The following CPED1 variants were observed in gnomAD, a reference collection of about 807,000 sequenced individuals.
CPED1 encodes cadherin-like and PC-esterase domain-containing protein 1.
In CPED1, 114 loss-of-function variants were observed where a neutral mutation model predicts 128.2. The ratio of observed to expected loss-of-function variants is 0.89; its 90% confidence interval spans 0.76 to 1.04. The LOEUF (loss-of-function observed/expected upper bound fraction) is 1.04. Ranked by LOEUF, CPED1 falls within the 50% of genes least tolerant of loss-of-function variation. The pLI is 0.00. For synonymous variants in CPED1, 462 were observed against 426.7 expected (o/e 1.08, Z -1.02); for missense variants, 1,211 against 1,207.1 (o/e 1.00, Z -0.05).
chr7:121,039,284 C>T (rs1049876593), intron 3 of CPED1, among the ~76,000 whole-genome samples: 2 of 152,050 alleles, frequency 1.3e-5, no homozygotes, highest in African/African-American at 4.8e-5. Flanking sequence ...ATTGCTCCAG[C>T]TCTAATCGTT....
intron 16 of CPED1, among the ~76,000 whole-genome samples, chr7:121,170,663 G>A (rs1796632598): frequency 6.6e-6 from 1 of 152,060 alleles, no homozygotes; most frequent in African/African-American, 2.4e-5. Flanking sequence ...ATGTTCAATA[G>A]ATTATACAAA....
At chr7:121,191,189 G>C (rs2116529366) in intron 16 of CPED1, among the ~76,000 whole-genome samples, 1 of 152,132 alleles carries the variant, frequency 6.6e-6, no homozygotes, top group East Asian at 1.9e-4. Flanking sequence ...CCACCTTTTA[G>C]AATATAAACC....
At chr7:121,250,155 G>A (rs899400146) in intron 18 of CPED1, among the ~76,000 whole-genome samples, 5 of 152,106 alleles carry the variant, frequency 3.3e-5, no homozygotes, top group Non-Finnish European at 5.9e-5. Context: ...CTAGAACTCA[G>A]GATTAAGAAA....
At chr7:121,210,711 T>G (rs1453445820) in intron 16 of CPED1, among the ~76,000 whole-genome samples, 4 of 151,820 alleles carry the variant, frequency 2.6e-5, no homozygotes, top group Admixed American at 1.3e-4. Flanking sequence ...TATACAAAAA[T>G]GTACTTAGAA....
chr7:121,196,404 C>T (rs999151888), intron 16 of CPED1, among the ~76,000 whole-genome samples: 1 of 151,988 alleles, frequency 6.6e-6, no homozygotes, highest in Non-Finnish European at 1.5e-5. Context: ...TAATCAGCAG[C>T]TTTTGAAAAA....
chr7:121,046,798 T>G (rs1563004353), intron 3 of CPED1, 89 bp from the exon 4 acceptor site: 3 of 788,016 alleles, frequency 3.8e-6, no homozygotes, highest in Non-Finnish European at 6.0e-6. Context: ...AGAATTTAAA[T>G]AATTACATTT....
intron 16 of CPED1, among the ~76,000 whole-genome samples, chr7:121,230,998 A>C (rs1303811533): frequency 3.3e-5 from 5 of 152,030 alleles, no homozygotes; most frequent in Admixed American, 3.3e-4. Context: ...GGAAGCCCTG[A>C]GAGTGGCCTA....
At chr7:121,235,128 CTT>C (rs1474557924) in intron 16 of CPED1, among the ~76,000 whole-genome samples, 1 of 152,018 alleles carries the variant, frequency 6.6e-6, no homozygotes, top group Non-Finnish European at 1.5e-5. Flanking sequence ...AATCATGACA[CTT>C]TTTTCTGGCC....
At chr7:121,122,532 T>C (rs756055628) in intron 7 of CPED1, among the ~76,000 whole-genome samples, 1 of 152,224 alleles carries the variant, frequency 6.6e-6, no homozygotes, top group African/African-American at 2.4e-5. Flanking sequence ...CATTCTGTCA[T>C]TTAATCTCAA....
At chr7:121,115,762 A>T (rs1333341306) in intron 7 of CPED1, among the ~76,000 whole-genome samples, 1 of 152,222 alleles carries the variant, frequency 6.6e-6, no homozygotes, top group Admixed American at 6.5e-5. Context: ...GTCAGACCTT[A>T]TATTATTGGA....
chr7:121,109,215 T>C (rs1370018978), intron 7 of CPED1, among the ~76,000 whole-genome samples: 1 of 152,146 alleles, frequency 6.6e-6, no homozygotes, highest in Non-Finnish European at 1.5e-5. Flanking sequence ...TTCAGATATA[T>C]TTTGTATTCT....
chr7:121,023,782 C>T (rs1792501121), intron 3 of CPED1, among the ~76,000 whole-genome samples: 1 of 152,052 alleles, frequency 6.6e-6, no homozygotes, highest in Non-Finnish European at 1.5e-5. Flanking sequence ...TCATTTCTTT[C>T]CCCCCTCTAG....
chr7:121,245,115 A>AT, intron 18 of CPED1, among the ~76,000 whole-genome samples: 1 of 152,272 alleles, frequency 6.6e-6, no homozygotes, highest in East Asian at 1.9e-4. Context: ...TCAAAAGCTG[A>AT]TTTTCACAAA....
chr7:121,126,228 C>T (rs1331123538), intron 9 of CPED1, among the ~76,000 whole-genome samples: 1 of 151,982 alleles, frequency 6.6e-6, no homozygotes, highest in Non-Finnish European at 1.5e-5. Flanking sequence ...GGCGTATTCA[C>T]ATGAGGGTAT....
intron 19 of CPED1, 46 bp from the exon 20 acceptor site, chr7:121,266,661 C>T (rs1156974650): frequency 6.9e-7 from 1 of 1,452,750 alleles, no homozygotes; most frequent in Non-Finnish European, 9.7e-7. Context: ...CAATGTTTAC[C>T]TTCTGTTTTA....
At chr7:121,197,611 C>T (rs369421844) in intron 16 of CPED1, among the ~76,000 whole-genome samples, 11 of 151,886 alleles carry the variant, frequency 7.2e-5, no homozygotes, top group Admixed American at 2.0e-4. Context: ...TTGCTACAGT[C>T]GAGTGTGTGT....
intron 7 of CPED1, 106 bp downstream of exon 7, chr7:121,100,200 C>A: frequency 2.1e-6 from 2 of 940,848 alleles, no homozygotes; most frequent in Non-Finnish European, 3.2e-6. Flanking sequence ...TCCCATTGAA[C>A]AAGGATCACA....
chr7:121,142,044 A>C lies in CPED1; in HGVS notation c.1958A>C (p.His653Pro), dbSNP rs576137731. 25 of 1,612,830 alleles carry C rather than the reference A, an allele frequency of 1.6e-5. No homozygotes were observed. In the East Asian group the frequency reaches 4.7e-4, roughly 30 times the overall value. ...SIFVVDESPA[H>P]GETLITYKLT... ...TTTGTTGTGGATGAATCTCCAGCAC[A>C]CGGTGAGACTCTGATCACGTACAAA... The change falls in exon 16 of 23, where the codon CAC (histidine) becomes CCC (proline). Residue 653 changes from histidine to proline, a missense_variant. Physicochemically the swap from His to Pro is moderately conservative, Grantham distance 77 (BLOSUM62 -2). Coordinates refer to ENST00000310396, the MANE Select transcript of CPED1 (RefSeq NM_024913.5).
At chr7:121,152,397 T>C (rs573003575) in intron 16 of CPED1, among the ~76,000 whole-genome samples, 87 of 152,316 alleles carry the variant, frequency 5.7e-4, no homozygotes, top group African/African-American at 2.0e-3. Context: ...GTTTAAGAAA[T>C]AACAGGGAGG....
Sources: gnomAD v4.1 joint callset for allele counts (sites outside exome capture counted in the v4.1 genomes callset) on GRCh38, gnomAD v4.1.1 for gene constraint, MANE v1.5 for transcripts, NCBI Gene and HGNC (gene_info 2026-07-23, HGNC 2026-07-21) for gene names.